Variants in PCED1B observed in about 807,000 individuals in gnomAD.
The protein encoded by PCED1B is PC-esterase domain containing 1B.
For synonymous variants in PCED1B, 251 were observed against 246.1 expected, an observed-to-expected ratio of 1.02 and a Z score of -0.19; for missense variants, 573 against 573.9, an observed-to-expected ratio of 1.00 and a Z score of 0.02.
rs1046543812 is a variant in PCED1B at position 47,179,397 on chromosome 12, A to G, written c.-525-36825A>G. On this transcript the variant is annotated intron_variant, in intron 2 of 3. Transcript: ENST00000546455. Reference sequence around the variant, plus strand: ...TCTATCAAATGCAAAAATTGCACCAATATAATCATTCATCCTCTCAGAGTC... The same window carrying G: ...TCTATCAAATGCAAAAATTGCACCAGTATAATCATTCATCCTCTCAGAGTC... Among the ~76,000 whole-genome samples the G allele has an allele frequency of 4.6e-5, 7 of 152,340 alleles. No homozygotes were observed. The Middle Eastern group carries it at 0.01, about 222-fold the overall frequency.
chr12:47,092,664 T>C (rs1938317828), intron 1 of PCED1B, among the ~76,000 whole-genome samples: 1 of 152,074 alleles, frequency 6.6e-6, no homozygotes, highest in African/African-American at 2.4e-5. Context: ...ATTTTGTAGA[T>C]ATTCTTTATG....
intron 2 of PCED1B, among the ~76,000 whole-genome samples, chr12:47,171,472 T>C (rs1941733579): frequency 6.6e-6 from 1 of 152,230 alleles, no homozygotes; most frequent in Non-Finnish European, 1.5e-5. Flanking sequence ...AAAGATTGCT[T>C]ATTTAGCTAT....
At chr12:47,227,473 C>A (rs757168908) in intron 3 of PCED1B, among the ~76,000 whole-genome samples, 10 of 152,020 alleles carry the variant, frequency 6.6e-5, no homozygotes, top group Non-Finnish European at 1.2e-4. Context: ...GTGCCCGGCC[C>A]CATTTCGGGT....
intron 3 of PCED1B, among the ~76,000 whole-genome samples, chr12:47,226,671 G>A (rs563192005): frequency 1.3e-5 from 2 of 152,238 alleles, no homozygotes; most frequent in East Asian, 3.9e-4. Context: ...CACTGCACCT[G>A]GCCAAAATTG....
chr12:47,113,435 A>G (rs966851815), intron 2 of PCED1B, among the ~76,000 whole-genome samples: 1 of 152,180 alleles, frequency 6.6e-6, no homozygotes, highest in Non-Finnish European at 1.5e-5. Context: ...TTTGGCAACA[A>G]AGAGAAAGAA....
chr12:47,226,904 G>A (rs1002398042), intron 3 of PCED1B, among the ~76,000 whole-genome samples: 1 of 152,114 alleles, frequency 6.6e-6, no homozygotes, highest in Non-Finnish European at 1.5e-5. Flanking sequence ...GAAAATGGAT[G>A]CTATCGACAT....
intron 2 of PCED1B, among the ~76,000 whole-genome samples, chr12:47,113,089 T>C (rs10506270): frequency 0.046 from 6,932 of 152,316 alleles, 385 homozygotes; most frequent in African/African-American, 0.13. Context: ...GACTTGGGGA[T>C]GTCTTATTCA....
chr12:47,192,406 C>T (rs909501313), intron 2 of PCED1B, among the ~76,000 whole-genome samples: 2 of 152,184 alleles, frequency 1.3e-5, no homozygotes, highest in Non-Finnish European at 2.9e-5. Context: ...ATTGTATATA[C>T]TGCAGACTGA....
At chr12:47,080,769 T>TTTCTCTCTTCTCCTTCCCCTC (rs1355903252) in intron 1 of PCED1B, among the ~76,000 whole-genome samples, 1 of 152,234 alleles carries the variant, frequency 6.6e-6, no homozygotes, top group Admixed American at 6.5e-5. Flanking sequence ...TTTTTTCTTT[T>TTTCTCTCTTCTCCTTCCCCTC]TTCTCTCTTC....
rs535367859 is a variant in PCED1B, at chr12:47,140,355, T to C, written c.-526+36160T>C. 3.3e-5 allele frequency among the ~76,000 whole-genome samples: 5 copies of C among 152,346 alleles called. No individual in the cohort carries two copies. In the South Asian group the frequency reaches 1.0e-3, roughly 32 times the overall value. On this transcript the variant is annotated intron_variant, in intron 2 of 3. Transcript: ENST00000546455. ...CAGAGTTTTAAGATTCATTTGTTTA[T>C]AGTTTTGATGTAAAATGTGGGTTTG...
chr12:47,159,994 T>C (rs1398172365), intron 2 of PCED1B, among the ~76,000 whole-genome samples: 1 of 152,170 alleles, frequency 6.6e-6, no homozygotes, highest in Non-Finnish European at 1.5e-5. Flanking sequence ...TTGAAGACAA[T>C]GTCCTTTCCT....
intron 2 of PCED1B, among the ~76,000 whole-genome samples, chr12:47,132,961 T>C (rs146209513): frequency 7.2e-4 from 109 of 152,360 alleles, no homozygotes; most frequent in Non-Finnish European, 1.3e-3. Context: ...ATAACACTGA[T>C]ACATAGTTCA....
chr12:47,174,033 A>C (rs1338643018), intron 2 of PCED1B, among the ~76,000 whole-genome samples: 1 of 151,516 alleles, frequency 6.6e-6, no homozygotes, highest in Admixed American at 6.6e-5. Flanking sequence ...TAATCCCAGC[A>C]CTTTGGAAAG....
At chr12:47,138,369 C>T (rs375683897) in intron 2 of PCED1B, 1 of 152,150 alleles carries the variant, frequency 6.6e-6, no homozygotes, top group Non-Finnish European at 1.5e-5. Context: ...CTTTGTATTG[C>T]TTGGCCTCTT....
chr12:47,197,097 G>A (rs1853476035), intron 2 of PCED1B, among the ~76,000 whole-genome samples: 1 of 150,156 alleles, frequency 6.7e-6, no homozygotes. Flanking sequence ...AAATTAGCCA[G>A]ACATGGTGGC....
intron 2 of PCED1B, among the ~76,000 whole-genome samples, chr12:47,167,304 T>A (rs1394249932): frequency 6.6e-6 from 1 of 152,190 alleles, no homozygotes; most frequent in Non-Finnish European, 1.5e-5. Flanking sequence ...CCCTTTGTGG[T>A]GACAAATTCC....
chr12:47,109,422 TC>T (rs1306244790), intron 2 of PCED1B, among the ~76,000 whole-genome samples: 1 of 151,954 alleles, frequency 6.6e-6, no homozygotes, highest in Non-Finnish European at 1.5e-5. Context: ...GGCAAAGCCA[TC>T]CCTCTTTGTC....
At chr12:47,120,630 C>T (rs947708120) in intron 2 of PCED1B, among the ~76,000 whole-genome samples, 2 of 151,914 alleles carry the variant, frequency 1.3e-5, no homozygotes, top group South Asian at 4.2e-4. Flanking sequence ...GATGAAATCC[C>T]GTTTCTACTA....
intron 2 of PCED1B, among the ~76,000 whole-genome samples, chr12:47,121,946 C>T (rs140891738): frequency 1.3e-5 from 2 of 150,468 alleles, no homozygotes; most frequent in Admixed American, 6.6e-5. Context: ...GCAGGAGAAT[C>T]GCTTAAACCT....
Sources: allele counts gnomAD v4.1 joint callset (sites outside exome capture counted in the v4.1 genomes callset), GRCh38; gene constraint gnomAD v4.1.1; transcripts MANE v1.5; gene names NCBI Gene and HGNC (gene_info 2026-07-23, HGNC 2026-07-21).